NRG2: variants seen among roughly 807,000 people sequenced by gnomAD.
The protein encoded by NRG2 is neuregulin 2.
Under a neutral mutation model 73.9 loss-of-function variants are expected in NRG2, and 27 were observed. The observed-to-expected ratio is 0.37, with a 90% CI of 0.27 to 0.50. NRG2 has a LOEUF of 0.50. NRG2 is among the 20% of genes least tolerant of loss of function. The pLI is 0.96. For synonymous variants in NRG2, 532 were observed against 541.0 expected (o/e 0.98, Z 0.23); for missense variants, 1,126 against 1,210.1 (o/e 0.93, Z 1.03).
At chr5:139,927,351 G>T (rs1006605984) in intron 1 of NRG2, among the ~76,000 whole-genome samples, 2 of 151,914 alleles carry the variant, frequency 1.3e-5, no homozygotes, top group Non-Finnish European at 2.9e-5. Flanking sequence ...TTGCCCTGTT[G>T]CATTTGAAAC....
chr5:139,857,244 G>A (rs1761865901), intron 5 of NRG2, among the ~76,000 whole-genome samples: 1 of 152,188 alleles, frequency 6.6e-6, no homozygotes, highest in African/African-American at 2.4e-5. Flanking sequence ...CCTGGGCTCA[G>A]GTTTCTTTCT....
At chr5:139,971,973 A>G (rs190895921) in intron 1 of NRG2, among the ~76,000 whole-genome samples, 1 of 152,204 alleles carries the variant, frequency 6.6e-6, no homozygotes, top group African/African-American at 2.4e-5. Flanking sequence ...GCACTGCCAG[A>G]TACGAAAATG....
intron 1 of NRG2, among the ~76,000 whole-genome samples, chr5:139,995,356 A>G (rs1371385101): frequency 1.3e-5 from 2 of 152,156 alleles, no homozygotes; most frequent in African/African-American, 4.8e-5. Context: ...CTCTAATTAG[A>G]TAGACAGTGG....
intron 1 of NRG2, among the ~76,000 whole-genome samples, chr5:139,888,324 CAG>C (rs143529137): frequency 8.0e-4 from 122 of 152,294 alleles, no homozygotes; most frequent in African/African-American, 2.9e-3. Context: ...AGATGAGACT[CAG>C]AGAGGTGAAG....
At chr5:140,018,154 T>A (rs550406362) in intron 1 of NRG2, among the ~76,000 whole-genome samples, 13 of 152,258 alleles carry the variant, frequency 8.5e-5, no homozygotes, top group Admixed American at 5.2e-4. Context: ...AGGCCCTATC[T>A]TGACCCCTGG....
intron 1 of NRG2, among the ~76,000 whole-genome samples, chr5:139,956,559 C>A (rs1428565886): frequency 6.6e-6 from 1 of 152,178 alleles, no homozygotes; most frequent in Non-Finnish European, 1.5e-5. Flanking sequence ...TGGTTCTCAT[C>A]CCTTCCTTTC....
chr5:139,967,804 C>A (rs923366930), intron 1 of NRG2, among the ~76,000 whole-genome samples: 1 of 150,044 alleles, frequency 6.7e-6, no homozygotes, highest in Non-Finnish European at 1.5e-5. Flanking sequence ...ATTGAAAATA[C>A]AAAAATTAGC....
At chr5:140,035,780 T>A (rs1051571608) in intron 1 of NRG2, among the ~76,000 whole-genome samples, 3 of 152,094 alleles carry the variant, frequency 2.0e-5, no homozygotes, top group African/African-American at 7.2e-5. Context: ...AGTCTTTATA[T>A]AACAGATCAG....
intron 1 of NRG2, among the ~76,000 whole-genome samples, chr5:139,987,680 CTTTCA>C (rs1458707747): frequency 3.3e-5 from 5 of 151,700 alleles, no homozygotes; most frequent in Non-Finnish European, 7.4e-5. Context: ...GTGGTGCCAT[CTTTCA>C]TTTCAGGAAG....
At chr5:139,906,254 C>T (rs1173490038) in intron 1 of NRG2, among the ~76,000 whole-genome samples, 1 of 152,108 alleles carries the variant, frequency 6.6e-6, no homozygotes, top group Non-Finnish European at 1.5e-5. Context: ...GATCCGCCTG[C>T]CTCAGCCTCT....
chr5:139,955,771 A>T (rs1477888393), intron 1 of NRG2, among the ~76,000 whole-genome samples: 1 of 152,120 alleles, frequency 6.6e-6, no homozygotes, highest in Non-Finnish European at 1.5e-5. Flanking sequence ...CAGTGAGTTG[A>T]GGGAGGAGGA....
intron 1 of NRG2, among the ~76,000 whole-genome samples, chr5:139,939,080 T>C (rs930884827): frequency 3.3e-5 from 5 of 151,538 alleles, no homozygotes; most frequent in African/African-American, 1.2e-4. Context: ...ACCTTGACCC[T>C]TAGATCACAC....
rs1561630912 is a variant in NRG2, at chr5:139,859,921, G to T, written c.1190-4143C>A. On this transcript the variant is annotated intron_variant, in intron 5 of 9. Transcript: ENST00000361474. ...TTCAAATCCAAGGTGCTCTGGCAGTGCAGAAGAGCGAGGGTCACAAAGGGA... is the reference window on the plus strand; with the variant it reads ...TTCAAATCCAAGGTGCTCTGGCAGTTCAGAAGAGCGAGGGTCACAAAGGGA... 2.5e-6 allele frequency: 4 copies of T among 1,598,824 alleles called. No individual in the cohort carries two copies. The African/African-American group carries it at 6.3e-5, about 25-fold the overall frequency.
intron 1 of NRG2, among the ~76,000 whole-genome samples, chr5:139,945,164 A>G (rs960569174): frequency 6.6e-6 from 1 of 152,092 alleles, no homozygotes; most frequent in Non-Finnish European, 1.5e-5. Flanking sequence ...ATTCCCTATT[A>G]GATCAGTAGT....
At chr5:139,973,876 G>GTATA in intron 1 of NRG2, among the ~76,000 whole-genome samples, 1 of 152,094 alleles carries the variant, frequency 6.6e-6, no homozygotes, top group Non-Finnish European at 1.5e-5. Context: ...GAAAGAGTAG[G>GTATA]TATAGTATGA....
At chr5:139,921,796 T>A (rs949971925) in intron 1 of NRG2, among the ~76,000 whole-genome samples, 8 of 152,168 alleles carry the variant, frequency 5.3e-5, no homozygotes, top group Non-Finnish European at 7.3e-5. Context: ...GCGTGGTGGC[T>A]CACACCTATA....
At chr5:140,029,871 G>A (rs1047109919) in intron 1 of NRG2, among the ~76,000 whole-genome samples, 9 of 152,036 alleles carry the variant, frequency 5.9e-5, no homozygotes, top group Non-Finnish European at 1.3e-4. Context: ...AGGGAGAGGG[G>A]AAAGAGGTGT....
chr5:139,862,390 G>A lies in NRG2; in HGVS notation c.1189+3159C>T, dbSNP rs732488. ...TGGAACATGAGGGGCCTATGGCTGTGTCCGCCCCAGCAAAGACAAGACCTT... is the reference window on the plus strand; with the variant it reads ...TGGAACATGAGGGGCCTATGGCTGTATCCGCCCCAGCAAAGACAAGACCTT... On this transcript the variant is annotated intron_variant, in intron 5 of 9. Transcript: ENST00000361474. Among the ~76,000 whole-genome samples the A allele has an allele frequency of 3.2e-3, 486 of 152,294 alleles. 4 individuals are homozygous for A. The highest frequency in any genetic ancestry group is 0.011 in the African/African-American group (469 of 41,560).
chr5:139,964,133 T>G (rs1030483703), intron 1 of NRG2, among the ~76,000 whole-genome samples: 1 of 152,176 alleles, frequency 6.6e-6, no homozygotes, highest in Admixed American at 6.5e-5. Flanking sequence ...AAAACCTTTT[T>G]AGGGTCTTCT....
Sources: gnomAD v4.1 joint callset for allele counts (sites outside exome capture counted in the v4.1 genomes callset) on GRCh38, gnomAD v4.1.1 for gene constraint, MANE v1.5 for transcripts, NCBI Gene and HGNC (gene_info 2026-07-23, HGNC 2026-07-21) for gene names.